The following ARID4B variants were observed in gnomAD, a reference collection of about 807,000 sequenced individuals.
ARID4B encodes AT-rich interaction domain 4B.
A neutral mutation model predicts 147.5 loss-of-function variants in ARID4B; 26 were observed. The observed-to-expected ratio is 0.18, with a 90% CI of 0.13 to 0.24. ARID4B has a LOEUF of 0.24. Among genes scored for constraint, ARID4B ranks in the 10% least tolerant of loss-of-function variants. The probability of loss-of-function intolerance (pLI) is 1.00; values close to 1 mark genes in which losing one functional copy is unlikely to be tolerated. For missense variants in ARID4B, 1,179 were observed against 1,511.5 expected (o/e 0.78, Z 3.65); for synonymous variants, 512 against 507.9 (o/e 1.01, Z -0.11).
intron 16 of ARID4B, among the ~76,000 whole-genome samples, chr1:235,214,477 A>G (rs998101681): frequency 3.3e-5 from 5 of 152,152 alleles, no homozygotes; most frequent in Admixed American, 6.6e-5. Context: ...TTTTTTAGAG[A>G]CAGAGTCTTG....
intron 20 of ARID4B, among the ~76,000 whole-genome samples, chr1:235,179,551 A>G (rs951104705): frequency 2.5e-4 from 38 of 150,054 alleles, no homozygotes; most frequent in Middle Eastern, 3.4e-3. Context: ...AAAAAAAAAA[A>G]AACCCAACAA....
At chr1:235,234,122 TG>T in intron 9 of ARID4B, among the ~76,000 whole-genome samples, 1 of 152,294 alleles carries the variant, frequency 6.6e-6, no homozygotes, top group East Asian at 1.9e-4. Context: ...ACATTAGATA[TG>T]GCAAATTTGC....
intron 2 of ARID4B, among the ~76,000 whole-genome samples, chr1:235,304,517 T>C (rs1673409867): frequency 6.6e-6 from 1 of 152,152 alleles, no homozygotes. Flanking sequence ...GCTGCCTACT[T>C]AAAAAGTGAA....
Position 235,182,550 on chromosome 1 carries a change from G to T in ARID4B, c.2369C>A (p.Ser790Tyr), listed in dbSNP as rs749314227. 1.9e-6 allele frequency: 3 copies of T among 1,612,380 alleles called. No individual in the cohort carries two copies. In the African/African-American group the frequency reaches 4.0e-5, roughly 22 times the overall value. The change falls in exon 20 of 24, where the codon TCC becomes TAC. Residue 790 changes from serine (S) to tyrosine (Y), a missense_variant. Transcript: ENST00000264183. ...ATCTTCTTCATAATCAGTATCTTCG[G>T]ATAATACTTCTATATCTTTCCTTAA... ...ERLRKDIEVL[S>Y]EDTDYEEDEV...
At chr1:235,200,319 C>T (rs1373615550) in intron 17 of ARID4B, among the ~76,000 whole-genome samples, 2 of 152,072 alleles carry the variant, frequency 1.3e-5, no homozygotes, top group African/African-American at 2.4e-5. Context: ...ATCAGCCAGG[C>T]GTGGTAGCGG....
chr1:235,288,373 T>G (rs974140133), intron 2 of ARID4B, among the ~76,000 whole-genome samples: 2 of 152,244 alleles, frequency 1.3e-5, no homozygotes, highest in African/African-American at 4.8e-5. Flanking sequence ...TATTCTCATT[T>G]TGGCATATGT....
chr1:235,228,867 G>A (rs866142240), intron 11 of ARID4B: 7 of 171,010 alleles, frequency 4.1e-5, no homozygotes, highest in Non-Finnish European at 6.2e-5. Context: ...GGATGGTCTC[G>A]ATCTCCTGAC....
chr1:235,208,060 C>G, intron 17 of ARID4B, among the ~76,000 whole-genome samples: 1 of 152,136 alleles, frequency 6.6e-6, no homozygotes. Flanking sequence ...AAATTATTCT[C>G]TAACTAAATT....
chr1:235,219,899 T>C lies in ARID4B; in HGVS notation c.1477A>G (p.Lys493Glu), dbSNP rs762882289. 1.3e-6 allele frequency: 2 copies of C among 1,599,502 alleles called. No homozygotes were observed. Among genetic ancestry groups the C allele is most frequent in the East Asian group, 4.5e-5 (2 of 44,580 alleles). Reference sequence around the variant, plus strand: ...TCCAGATTTTCATTGTCTTCTGGTTTTTTAATGTTAACTTCTTTTTCCTGA... The same window carrying C: ...TCCAGATTTTCATTGTCTTCTGGTTCTTTAATGTTAACTTCTTTTTCCTGA... ...SDQEKEVNIK[K>E]PEDNENLDDK... is the part of the protein sequence containing the mutation. Residue 493 changes from lysine (K) to glutamate (E), a missense_variant, in exon 16 of 24, where the codon AAA (lysine) becomes GAA (glutamate). Transcript: ENST00000264183.
At chr1:235,235,770 C>G (rs1668512627) in intron 8 of ARID4B, among the ~76,000 whole-genome samples, 1 of 151,778 alleles carries the variant, frequency 6.6e-6, no homozygotes, top group Non-Finnish European at 1.5e-5. Flanking sequence ...AAGATTTCCC[C>G]CTCTTAAAAT....
intron 2 of ARID4B, among the ~76,000 whole-genome samples, chr1:235,308,461 CTCCCTA>C (rs1673741808): frequency 1.4e-5 from 2 of 140,528 alleles, no homozygotes; most frequent in African/African-American, 6.0e-5. Context: ...CCCCCTCCCT[CTCCCTA>C]TCCCTCTCCC....
intron 16 of ARID4B, among the ~76,000 whole-genome samples, chr1:235,217,404 C>CTACATACATGCACTCATA (rs370578344): frequency 0.13 from 19,719 of 151,770 alleles, 1,480 homozygotes; most frequent in African/African-American, 0.19. Context: ...GATGCATACA[C>CTACATACATGCACTCATA]TACATACATG....
Position 235,253,681 on chromosome 1 carries a change from C to G in ARID4B, c.275-872G>C, listed in dbSNP as rs138419750. On this transcript the variant is annotated intron_variant, in intron 5 of 23. Transcript: ENST00000264183. ...CCCCAGCAAAACCACCATAAGTTAA[C>G]AGATATGGAATGTATGACTATTTGT... Among the ~76,000 whole-genome samples the G allele has an allele frequency of 7.2e-5, 11 of 152,180 alleles. No homozygotes were observed. In the East Asian group the frequency reaches 2.1e-3, roughly 29 times the overall value.
chr1:235,239,640 G>T (rs750353084), intron 8 of ARID4B, among the ~76,000 whole-genome samples: 3 of 152,168 alleles, frequency 2.0e-5, no homozygotes, highest in Non-Finnish European at 4.4e-5. Flanking sequence ...AAGGCTTTCT[G>T]TCATGTCTTA....
chr1:235,224,644 T>G, intron 12 of ARID4B, 59 bp downstream of exon 12: 3 of 1,171,428 alleles, frequency 2.6e-6, no homozygotes, highest in Non-Finnish European at 3.7e-6. Context: ...TTCTTATTTT[T>G]AAGATACTAA....
intron 18 of ARID4B, among the ~76,000 whole-genome samples, chr1:235,194,462 A>C (rs1665349975): frequency 6.6e-6 from 1 of 152,208 alleles, no homozygotes. Context: ...ATAGGTGATT[A>C]GGACTAGCAA....
chr1:235,278,778 T>C (rs570899794), intron 2 of ARID4B, among the ~76,000 whole-genome samples: 6 of 152,320 alleles, frequency 3.9e-5, no homozygotes, highest in African/African-American at 1.4e-4. Flanking sequence ...CCTACCACTT[T>C]TGGCACACTG....
At chr1:235,234,065 T>A (rs1668408189) in intron 9 of ARID4B, among the ~76,000 whole-genome samples, 1 of 152,006 alleles carries the variant, frequency 6.6e-6, no homozygotes, top group Admixed American at 6.6e-5. Context: ...GGTGACAGAG[T>A]GAGACTCCGT....
intron 11 of ARID4B, among the ~76,000 whole-genome samples, chr1:235,226,831 G>A (rs927678572): frequency 6.6e-6 from 1 of 151,782 alleles, no homozygotes; most frequent in African/African-American, 2.4e-5. Flanking sequence ...GCCACACCCA[G>A]CTAATTTTTG....
Sources: allele counts gnomAD v4.1 joint callset (sites outside exome capture counted in the v4.1 genomes callset), GRCh38; gene constraint gnomAD v4.1.1; transcripts MANE v1.5; gene names NCBI Gene and HGNC (gene_info 2026-07-23, HGNC 2026-07-21).